MAPKAPK2: variants seen among roughly 807,000 people sequenced by gnomAD.
MAPKAPK2 encodes MAPK activated protein kinase 2, also known as MAP kinase-activated protein kinase 2.
In MAPKAPK2, 9 loss-of-function variants were observed where a neutral mutation model predicts 48.8. The observed-to-expected ratio is 0.18, with a 90% CI of 0.11 to 0.32. The LOEUF (loss-of-function observed/expected upper bound fraction) is 0.32. MAPKAPK2 is among the 10% of genes least tolerant of loss of function. The probability of loss-of-function intolerance (pLI) is 1.00; values close to 1 mark genes in which losing one functional copy is unlikely to be tolerated. For synonymous variants in MAPKAPK2, 202 were observed against 190.6 expected, an observed-to-expected ratio of 1.06 and a Z score of -0.49; for missense variants, 331 against 498.3, an observed-to-expected ratio of 0.66 and a Z score of 3.20.
chr1:206,697,459 G>T lies in MAPKAPK2; in HGVS notation c.279+11951G>T, dbSNP rs141672438. The stretch of plus-strand genomic sequence containing the variant: ...GGCACCAGCATCTGCTTCTGGTGAG[G>T]ACCTCAGGAAGCTTTTGCTCATGGG... On this transcript the variant is annotated intron_variant, in intron 1 of 9. Transcript: ENST00000367103. Among the ~76,000 whole-genome samples the T allele has an allele frequency of 8.5e-5, 13 of 152,150 alleles. No individual in the cohort carries two copies. The East Asian group carries it at 2.5e-3, about 29-fold the overall frequency.
chr1:206,701,905 C>G (rs1553427974), intron 1 of MAPKAPK2, among the ~76,000 whole-genome samples: 1 of 151,008 alleles, frequency 6.6e-6, no homozygotes, highest in South Asian at 2.1e-4. Context: ...GGTCACCTGG[C>G]CCAGTGGCTC....
chr1:206,717,761 CCTGAATCATA>C (rs1481343321), intron 1 of MAPKAPK2, among the ~76,000 whole-genome samples: 1 of 152,106 alleles, frequency 6.6e-6, no homozygotes, highest in African/African-American at 2.4e-5. Context: ...AAATATAAGA[CCTGAATCATA>C]CTGCACCTCA....
intron 1 of MAPKAPK2, among the ~76,000 whole-genome samples, chr1:206,711,630 T>A (rs1222169504): frequency 6.9e-6 from 1 of 145,604 alleles, no homozygotes; most frequent in Non-Finnish European, 1.5e-5. Context: ...TTTTTTTTTA[T>A]GTTTTTGAGA....
chr1:206,704,580 T>C lies in MAPKAPK2; in HGVS notation c.279+19072T>C, dbSNP rs1396146041. On this transcript the variant is annotated intron_variant, in intron 1 of 9. Coordinates refer to ENST00000367103, the MANE Select transcript of MAPKAPK2 (RefSeq NM_032960.4). The surrounding 1 kb of genome is among the most constrained non-coding windows in gnomAD (Gnocchi z 4.3). ...TGAGGGAATAAAACCAGCCGGCTCA[T>C]CTAGGGGCTGATATCTGTCCGTGGT... Among the ~76,000 whole-genome samples the C allele has an allele frequency of 6.6e-6, 1 of 152,164 alleles. No homozygotes were observed. Among genetic ancestry groups the C allele is most frequent in the Non-Finnish European group, 1.5e-5 (1 of 68,028 alleles).
chr1:206,699,364 G>T (rs1418217375), intron 1 of MAPKAPK2, among the ~76,000 whole-genome samples: 1 of 152,160 alleles, frequency 6.6e-6, no homozygotes, highest in Non-Finnish European at 1.5e-5. Context: ...TGCCTGGCAT[G>T]GGCAGAGGAT....
rs368111363 is a variant in MAPKAPK2, at chr1:206,716,523, A to G, written c.280-12187A>G. Among the ~76,000 whole-genome samples the G allele has an allele frequency of 1.1e-3, 173 of 151,766 alleles. 1 individual carries two copies. Among genetic ancestry groups the G allele is most frequent in the African/African-American group, 4.1e-3 (169 of 41,340 alleles). On this transcript the variant is annotated intron_variant, in intron 1 of 9. Coordinates refer to ENST00000367103, the MANE Select transcript of MAPKAPK2 (RefSeq NM_032960.4). Reference sequence around the variant, plus strand: ...GTGGGCCGCCCTCTTGATTTGTAGGATCCTTCTCTTCCTCCACATTCTCTG... The same window carrying G: ...GTGGGCCGCCCTCTTGATTTGTAGGGTCCTTCTCTTCCTCCACATTCTCTG...
chr1:206,718,834 G>A (rs1673424431), intron 1 of MAPKAPK2, among the ~76,000 whole-genome samples: 1 of 152,058 alleles, frequency 6.6e-6, no homozygotes, highest in Non-Finnish European at 1.5e-5. Context: ...TGGGTCCAAG[G>A]TTTGAACATT....
chr1:206,714,764 C>CAAA (rs373824626), intron 1 of MAPKAPK2, among the ~76,000 whole-genome samples: 67 of 116,040 alleles, frequency 5.8e-4, no homozygotes, highest in Non-Finnish European at 6.5e-4. Flanking sequence ...AACTCGGTCA[C>CAAA]AAAAAAAAAA....
intron 1 of MAPKAPK2, among the ~76,000 whole-genome samples, chr1:206,714,987 C>T (rs1248989310): frequency 6.6e-6 from 1 of 152,054 alleles, no homozygotes; most frequent in Non-Finnish European, 1.5e-5. Flanking sequence ...CCTCCTCTCC[C>T]CTCAGCTCCT....
rs1673796888 is a variant in MAPKAPK2 at position 206,728,867 on chromosome 1, T to C, written c.419+18T>C. 7 of 1,613,612 alleles carry C rather than the reference T, an allele frequency of 4.3e-6. No homozygotes were observed. Among genetic ancestry groups the C allele is most frequent in the Non-Finnish European group, 5.1e-6 (6 of 1,179,648 alleles). On this transcript the variant is annotated intron_variant, in intron 2 of 9. Coordinates refer to ENST00000367103, the MANE Select transcript of MAPKAPK2 (RefSeq NM_032960.4). The stretch of plus-strand genomic sequence containing the variant: ...ATGGAATGGTAAGCAGCCACTGTTC[T>C]AGTCCCGGCCCAGCCTGTTCCCACT...
Position 206,731,377 on chromosome 1 carries a change from T to G in MAPKAPK2, c.892+115T>G. 2 of 1,541,298 alleles carry G rather than the reference T, an allele frequency of 1.3e-6. No homozygotes were observed. The highest frequency in any genetic ancestry group is 2.4e-5 in the East Asian group (1 of 41,924). On this transcript the variant is annotated intron_variant, in intron 7 of 9. Coordinates refer to ENST00000367103, the MANE Select transcript of MAPKAPK2 (RefSeq NM_032960.4). This position sits in a 1 kb window ranked among gnomAD's most constrained non-coding sequence, Gnocchi z 5.9. ...CCATCTCATGTGCGTGGTGTAACTGTGGGTTAGCACCTATGCCCACGCCTG... is the reference window on the plus strand; with the variant it reads ...CCATCTCATGTGCGTGGTGTAACTGGGGGTTAGCACCTATGCCCACGCCTG...
chr1:206,693,668 G>A (rs1196047331), intron 1 of MAPKAPK2, among the ~76,000 whole-genome samples: 2 of 152,164 alleles, frequency 1.3e-5, no homozygotes, highest in African/African-American at 4.8e-5. Context: ...ATAGTTATAT[G>A]CTAGGACAGC....
chr1:206,689,731 A>G (rs1672396269), intron 1 of MAPKAPK2, among the ~76,000 whole-genome samples: 1 of 152,248 alleles, frequency 6.6e-6, no homozygotes, highest in African/African-American at 2.4e-5. Flanking sequence ...TAATTAAATT[A>G]AAATTAATTA....
At chr1:206,715,810 TA>T (rs1673309990) in intron 1 of MAPKAPK2, among the ~76,000 whole-genome samples, 1 of 151,774 alleles carries the variant, frequency 6.6e-6, no homozygotes, top group East Asian at 1.9e-4. Flanking sequence ...AAATTATTCA[TA>T]GAGACGGGGT....
chr1:206,706,125 T>C (rs1163542405), intron 1 of MAPKAPK2, among the ~76,000 whole-genome samples: 1 of 101,488 alleles, frequency 9.9e-6, no homozygotes, highest in African/African-American at 3.3e-5. Flanking sequence ...TATTTATTTA[T>C]TTATTTATTT....
At chr1:206,696,147 A>G (rs1553427020) in intron 1 of MAPKAPK2, 6 of 1,564,038 alleles carry the variant, frequency 3.8e-6, no homozygotes, top group Non-Finnish European at 5.3e-6. Context: ...TGACATGGAC[A>G]AAAGTGTCAT....
rs142025224 is a variant in MAPKAPK2 at position 206,731,878 on chromosome 1, C to T, written c.1018C>T (p.Arg340Trp). The T allele has an allele frequency of 1.1e-4, 170 of 1,614,094 alleles. 1 individual carries two copies. Among genetic ancestry groups the T allele is most frequent in the Admixed American group, 8.2e-4 (49 of 60,016 alleles). Residue 340 changes from arginine to tryptophan, a missense_variant, in exon 9 of 10, where the codon CGG (arginine) becomes TGG (tryptophan). Physicochemically the swap from Arg to Trp is moderately radical, Grantham distance 101. Transcript: ENST00000367103. The surrounding 1 kb of genome is among the most constrained non-coding windows in gnomAD (Gnocchi z 5.9). Reference protein sequence around the residue: ...KVPQTPLHTSRVLKEDKERWE... With the variant: ...KVPQTPLHTSWVLKEDKERWE... ...CCCTCAAACCCCACTGCACACCAGC[C>T]GGGTCCTGAAGGAGGACAAGGAGCG... is the stretch of plus-strand genomic sequence containing the variant.
intron 1 of MAPKAPK2, among the ~76,000 whole-genome samples, chr1:206,688,780 G>A (rs903726592): frequency 1.3e-5 from 2 of 152,008 alleles, no homozygotes; most frequent in Non-Finnish European, 2.9e-5. Flanking sequence ...GACTACAGGC[G>A]CCCGTCACCA....
chr1:206,689,173 T>C (rs1443185119), intron 1 of MAPKAPK2, among the ~76,000 whole-genome samples: 1 of 152,228 alleles, frequency 6.6e-6, no homozygotes, highest in African/African-American at 2.4e-5. Context: ...TCTCTGTGTA[T>C]CTTTCCATTG....
Sources: gnomAD v4.1 joint callset for allele counts (sites outside exome capture counted in the v4.1 genomes callset) on GRCh38, gnomAD v4.1.1 for gene constraint, Gnocchi (gnomAD v3.1) non-coding constraint, MANE v1.5 for transcripts, NCBI Gene and HGNC (gene_info 2026-07-23, HGNC 2026-07-21) for gene names.